SFMBT1: variants seen among roughly 807,000 people sequenced by gnomAD.
SFMBT1 encodes Scm like with four mbt domains 1, also known as scm-like with four MBT domains protein 1.
In SFMBT1, 32 loss-of-function variants were observed where a neutral mutation model predicts 108.7. That is an observed-to-expected ratio of 0.29 (90% CI 0.22 to 0.40). SFMBT1 has a LOEUF of 0.40. Ranked by LOEUF, SFMBT1 falls within the 10% of genes least tolerant of loss-of-function variation. SFMBT1 has a pLI of 1.00. For synonymous variants in SFMBT1, 348 were observed against 369.5 expected (o/e 0.94, Z 0.67); for missense variants, 816 against 1,059.6 (o/e 0.77, Z 3.19).
chr3:53,029,610 C>A (rs1042310962), intron 1 of SFMBT1, among the ~76,000 whole-genome samples: 1 of 152,214 alleles, frequency 6.6e-6, no homozygotes, highest in African/African-American at 2.4e-5. Context: ...CTTGCTGCTG[C>A]AATTTTCTCA....
intron 13 of SFMBT1, among the ~76,000 whole-genome samples, chr3:52,917,917 G>C (rs1702410683): frequency 6.6e-6 from 1 of 152,150 alleles, no homozygotes; most frequent in African/African-American, 2.4e-5. Context: ...TATTTTGTAT[G>C]GCAGCCCCAG....
At chr3:52,913,691 G>A (rs550671662) in intron 14 of SFMBT1, 74 bp from the exon 15 acceptor site, 4 of 1,473,400 alleles carry the variant, frequency 2.7e-6, no homozygotes, top group Admixed American at 2.0e-5. Flanking sequence ...AACTGCCAGG[G>A]AAGAAAAACG....
intron 1 of SFMBT1, among the ~76,000 whole-genome samples, chr3:53,041,230 C>T (rs1700042527): frequency 6.6e-6 from 1 of 151,894 alleles, no homozygotes; most frequent in African/African-American, 2.4e-5. Context: ...ATTACATACA[C>T]GTTTTCAGGT....
intron 1 of SFMBT1, among the ~76,000 whole-genome samples, chr3:52,981,212 C>T (rs1209376848): frequency 1.3e-5 from 2 of 151,172 alleles, no homozygotes; most frequent in Non-Finnish European, 2.9e-5. Flanking sequence ...GGATTTAATG[C>T]CAGCAAAGGA....
intron 12 of SFMBT1, among the ~76,000 whole-genome samples, chr3:52,919,315 G>T (rs1215103990): frequency 1.3e-5 from 2 of 152,100 alleles, no homozygotes; most frequent in African/African-American, 4.8e-5. Context: ...AAATGTGTCA[G>T]ATTTATAGCA....
intron 1 of SFMBT1, among the ~76,000 whole-genome samples, chr3:53,029,171 C>CAAAAAA (rs60211879): frequency 8.1e-5 from 4 of 49,096 alleles, no homozygotes; most frequent in Admixed American, 2.1e-4. Flanking sequence ...GACTCCGTCT[C>CAAAAAA]AAAAAAAAAA....
At chr3:53,013,160 A>G (rs1699011343) in intron 1 of SFMBT1, among the ~76,000 whole-genome samples, 1 of 151,754 alleles carries the variant, frequency 6.6e-6, no homozygotes, top group Admixed American at 6.5e-5. Flanking sequence ...TGCTGCTTCA[A>G]TGGAAAATAT....
At chr3:53,037,804 A>C (rs1699914694) in intron 1 of SFMBT1, among the ~76,000 whole-genome samples, 1 of 152,102 alleles carries the variant, frequency 6.6e-6, no homozygotes, top group African/African-American at 2.4e-5. Context: ...GAGAGACCCC[A>C]TCTCTACAAA....
At chr3:52,985,399 C>G (rs1241017553) in intron 1 of SFMBT1, among the ~76,000 whole-genome samples, 1 of 152,176 alleles carries the variant, frequency 6.6e-6, no homozygotes, top group Non-Finnish European at 1.5e-5. Flanking sequence ...TGAGTACCTA[C>G]TATGTATGTG....
At chr3:53,037,863 C>G (rs934758252) in intron 1 of SFMBT1, among the ~76,000 whole-genome samples, 3 of 152,122 alleles carry the variant, frequency 2.0e-5, no homozygotes, top group Non-Finnish European at 2.9e-5. Flanking sequence ...AATCTCAGCA[C>G]TTTAGGAGGC....
chr3:52,947,063 C>T (rs1045635799), intron 3 of SFMBT1, among the ~76,000 whole-genome samples: 6 of 151,640 alleles, frequency 4.0e-5, no homozygotes, highest in Non-Finnish European at 7.4e-5. Flanking sequence ...TGAGTCACCA[C>T]GCCTGGCTCC....
chr3:52,997,484 C>T (rs778124356), intron 1 of SFMBT1, among the ~76,000 whole-genome samples: 4 of 148,406 alleles, frequency 2.7e-5, no homozygotes, highest in Non-Finnish European at 4.5e-5. Flanking sequence ...TGTAGTGAGC[C>T]GAGATCATGC....
chr3:52,967,079 G>A (rs1704175489), intron 2 of SFMBT1, among the ~76,000 whole-genome samples: 1 of 151,802 alleles, frequency 6.6e-6, no homozygotes, highest in Non-Finnish European at 1.5e-5. Flanking sequence ...CAGGAAAGCA[G>A]AGGGAAAAAA....
chr3:52,962,696 T>G (rs927882043), intron 2 of SFMBT1, among the ~76,000 whole-genome samples: 1 of 150,730 alleles, frequency 6.6e-6, no homozygotes, highest in Admixed American at 6.7e-5. Context: ...TAATCCCAGC[T>G]ACTCAGGAGG....
rs575286536 is a variant in SFMBT1, at chr3:52,987,798, G to A, written c.-130-18540C>T. Among the ~76,000 whole-genome samples the A allele has an allele frequency of 2.0e-5, 3 of 152,318 alleles. No individual in the cohort carries two copies. In the South Asian group the frequency reaches 6.2e-4, roughly 32 times the overall value. The stretch of plus-strand genomic sequence containing the variant: ...TCTGGATGGCACCTAGACAGATGCT[G>A]CCATCTATAAGCTTCTAAAATCTTA... On this transcript the variant is annotated intron_variant, in intron 1 of 20. Coordinates refer to ENST00000394752, the MANE Select transcript of SFMBT1 (RefSeq NM_016329.4).
chr3:53,001,690 T>C (rs1698552602), intron 1 of SFMBT1, among the ~76,000 whole-genome samples: 2 of 148,764 alleles, frequency 1.3e-5, no homozygotes, highest in African/African-American at 4.9e-5. Context: ...GGAGGACCAC[T>C]TGAGCCCAGG....
At chr3:53,017,126 T>C (rs1318802007) in intron 1 of SFMBT1, among the ~76,000 whole-genome samples, 13 of 152,200 alleles carry the variant, frequency 8.5e-5, no homozygotes, top group South Asian at 2.1e-4. Flanking sequence ...TTCTGCAAAG[T>C]ACATTATTAC....
At chr3:52,957,587 A>T (rs775565165) in intron 2 of SFMBT1, among the ~76,000 whole-genome samples, 1 of 152,212 alleles carries the variant, frequency 6.6e-6, no homozygotes, top group African/African-American at 2.4e-5. Flanking sequence ...TCAAAACAGC[A>T]TGATACTTGT....
At chr3:53,034,304 T>C (rs908675599) in intron 1 of SFMBT1, among the ~76,000 whole-genome samples, 1 of 152,186 alleles carries the variant, frequency 6.6e-6, no homozygotes, top group Admixed American at 6.5e-5. Context: ...GGCACGGGCA[T>C]GGTAGCTCAT....
Sources: allele counts gnomAD v4.1 joint callset (sites outside exome capture counted in the v4.1 genomes callset), GRCh38; gene constraint gnomAD v4.1.1; transcripts MANE v1.5; gene names NCBI Gene and HGNC (gene_info 2026-07-23, HGNC 2026-07-21).